DPP6: variants seen among roughly 807,000 people sequenced by gnomAD.
DPP6 encodes the protein dipeptidyl peptidase like 6.
Under a neutral mutation model 122.6 loss-of-function variants are expected in DPP6, and 69 were observed. The observed-to-expected ratio is 0.56, with a 90% CI of 0.46 to 0.69. DPP6 has a LOEUF of 0.69. Among genes scored for constraint, DPP6 ranks in the 30% least tolerant of loss-of-function variants. The pLI is 0.00. For synonymous variants in DPP6, 418 were observed against 433.1 expected, an observed-to-expected ratio of 0.97 and a Z score of 0.43; for missense variants, 928 against 1,116.9, an observed-to-expected ratio of 0.83 and a Z score of 2.41.
At chr7:153,872,969 C>T in the DPP6 span, among the ~76,000 whole-genome samples, 1 of 152,130 alleles carries the variant, frequency 6.6e-6, no homozygotes, top group Non-Finnish European at 1.5e-5. Flanking sequence ...CAAAGAAATA[C>T]CTGAAGCTGG....
At chr7:153,763,495 A>G in the DPP6 span, among the ~76,000 whole-genome samples, 1 of 152,216 alleles carries the variant, frequency 6.6e-6, no homozygotes, top group East Asian at 1.9e-4. Context: ...TGAATTTGTC[A>G]GAAAAATAGA....
At chr7:154,292,728 G>A (rs1805288307) in intron 1 of DPP6, among the ~76,000 whole-genome samples, 1 of 152,180 alleles carries the variant, frequency 6.6e-6, no homozygotes. Flanking sequence ...GGCAGGCAGA[G>A]TCTCGTTTTT....
intron 8 of DPP6, among the ~76,000 whole-genome samples, chr7:154,728,670 C>A (rs1586970263): frequency 6.6e-6 from 1 of 152,320 alleles, no homozygotes; most frequent in South Asian, 2.1e-4. Flanking sequence ...GTAGCTTAAA[C>A]AATGAATATG....
intron 1 of DPP6, among the ~76,000 whole-genome samples, chr7:154,118,223 A>G (rs1439599856): frequency 7.3e-5 from 11 of 150,850 alleles, no homozygotes; most frequent in African/African-American, 2.7e-4. Flanking sequence ...GCTGCATGTC[A>G]TGTAGTCAAG....
chr7:154,858,799 C>T (rs1341275241), intron 17 of DPP6, among the ~76,000 whole-genome samples: 1 of 152,190 alleles, frequency 6.6e-6, no homozygotes, highest in Non-Finnish European at 1.5e-5. Context: ...CCTCTAATGG[C>T]AGCCCCTTAG....
chr7:153,894,541 G>A (rs1799330360), intron 1 of DPP6, among the ~76,000 whole-genome samples: 1 of 152,118 alleles, frequency 6.6e-6, no homozygotes, highest in Non-Finnish European at 1.5e-5. Flanking sequence ...AGTGGCTCTT[G>A]GCAATGGCTG....
intron 1 of DPP6, among the ~76,000 whole-genome samples, chr7:153,962,671 A>G (rs956780645): frequency 9.2e-5 from 14 of 152,150 alleles, no homozygotes; most frequent in African/African-American, 3.4e-4. Context: ...AAGCCAACAC[A>G]TTATTTGCTC....
chr7:154,782,796 T>A (rs1376426541), intron 10 of DPP6, among the ~76,000 whole-genome samples: 1 of 152,060 alleles, frequency 6.6e-6, no homozygotes, highest in Non-Finnish European at 1.5e-5. Flanking sequence ...ATTATTATTA[T>A]TTTTTGAGAC....
chr7:154,666,016 C>T (rs1181776049), intron 6 of DPP6, among the ~76,000 whole-genome samples: 2 of 152,010 alleles, frequency 1.3e-5, no homozygotes, highest in Admixed American at 6.6e-5. Context: ...TCAGCAGTCC[C>T]ATCTTTCCAC....
chr7:153,938,470 T>C lies in DPP6; in HGVS notation c.51+50736T>C, dbSNP rs75075589. On this transcript the variant is annotated intron_variant, in intron 1 of 25. Coordinates refer to the DPP6 transcript ENST00000404039. The stretch of plus-strand genomic sequence containing the variant: ...AGAGAGCAAAGCAAAGAAGTTGACA[T>C]TTAGATCTTTCAGCAAACCATGAAG... Among the ~76,000 whole-genome samples the C allele has an allele frequency of 7.1e-3, 1,075 of 152,314 alleles. 7 individuals are homozygous for C. The highest frequency in any genetic ancestry group is 0.024 in the Middle Eastern group (7 of 294).
At chr7:154,876,492 A>G in intron 20 of DPP6, 1 of 168,042 alleles carries the variant, frequency 6.0e-6, no homozygotes, top group African/African-American at 2.4e-5. Flanking sequence ...AAGGAATATG[A>G]ATGGGGCTGG....
intron 16 of DPP6, among the ~76,000 whole-genome samples, chr7:154,807,619 C>T (rs1462644766): frequency 1.3e-5 from 2 of 152,124 alleles, no homozygotes; most frequent in Admixed American, 6.5e-5. Flanking sequence ...GTCAGGAGTT[C>T]GAGACCTGCC....
In DPP6 at chr7:154,308,958, GCACA is replaced by G. The variant is rs1203466027; in HGVS notation, c.244-137251_244-137248del. The stretch of plus-strand genomic sequence containing the variant: ...TGTATGTATGTGTGTGCATGCGTAT[GCACA>G]CACAAACAAATGCACACACGTGAAC... On this transcript the variant is annotated intron_variant, in intron 1 of 25. Transcript: ENST00000377770. Among the ~76,000 whole-genome samples, 4 of 152,114 alleles carry G rather than the reference GCACA, an allele frequency of 2.6e-5. No homozygotes were observed. The East Asian group carries it at 7.7e-4, about 29-fold the overall frequency.
At position 154,889,160 on chromosome 7, in the gene DPP6, C is replaced by G; in HGVS notation, c.2305-112C>G. 2.1e-6 allele frequency: 3 copies of G among 1,458,864 alleles called. No homozygotes were observed. In the East Asian group the frequency reaches 7.5e-5, roughly 36 times the overall value. 90.4% of individuals were successfully genotyped at this position (1,458,864 alleles called of 1,614,324 possible). ...ATAAGGCATCCCGGTTCTCCGGGAA[C>G]TTAGTGTTTTCAATACACTTCACCT... On this transcript the variant is annotated intron_variant, in intron 23 of 25. Coordinates refer to ENST00000377770, the MANE Select transcript of DPP6 (RefSeq NM_130797.4).
chr7:154,587,856 G>A, intron 5 of DPP6: 1 of 1,612,844 alleles, frequency 6.2e-7, no homozygotes, highest in Non-Finnish European at 8.5e-7. Context: ...ATGTACAAGG[G>A]GGACCTGTTT....
intron 1 of DPP6, among the ~76,000 whole-genome samples, chr7:154,240,579 G>C (rs768330510): frequency 6.6e-6 from 1 of 152,200 alleles, no homozygotes; most frequent in African/African-American, 2.4e-5. Flanking sequence ...CATGAACATA[G>C]AGTGTATGTC....
Position 154,222,306 on chromosome 7 carries a change from C to T in DPP6, c.243+169243C>T, listed in dbSNP as rs1800350172. Reference sequence around the variant, plus strand: ...CAGCCACACACAGCCTGTCCTCTGGCCTTCCTCAGGTCCTAACAGTTGAGG... The same window carrying T: ...CAGCCACACACAGCCTGTCCTCTGGTCTTCCTCAGGTCCTAACAGTTGAGG... On this transcript the variant is annotated intron_variant, in intron 1 of 25. Transcript: ENST00000377770. Among the ~76,000 whole-genome samples the T allele has an allele frequency of 3.9e-5, 6 of 152,308 alleles. No homozygotes were observed. In the South Asian group the frequency reaches 1.2e-3, roughly 32 times the overall value.
intron 7 of DPP6, among the ~76,000 whole-genome samples, chr7:154,675,875 C>T (rs1324929047): frequency 2.0e-5 from 3 of 152,230 alleles, no homozygotes; most frequent in Non-Finnish European, 2.9e-5. Context: ...ATATTCTTCT[C>T]ATTTTTCACC....
intron 7 of DPP6, among the ~76,000 whole-genome samples, chr7:154,673,502 G>T (rs1378912188): frequency 1.3e-5 from 2 of 152,196 alleles, no homozygotes; most frequent in African/African-American, 4.8e-5. Context: ...ACTGCAGGGG[G>T]AGTGGCCTGT....
Sources: gnomAD v4.1 joint callset for allele counts (sites outside exome capture counted in the v4.1 genomes callset) on GRCh38, gnomAD v4.1.1 for gene constraint, MANE v1.5 for transcripts, NCBI Gene and HGNC (gene_info 2026-07-23, HGNC 2026-07-21) for gene names.